The following PSMD1 variants were observed in gnomAD, a reference collection of about 807,000 sequenced individuals.
PSMD1 encodes the protein proteasome 26S subunit, non-ATPase 1, also known as 26S proteasome non-ATPase regulatory subunit 1.
Under a neutral mutation model 119.0 loss-of-function variants are expected in PSMD1, and 18 were observed. The observed-to-expected ratio is 0.15, with a 90% CI of 0.10 to 0.22. The LOEUF (loss-of-function observed/expected upper bound fraction) is 0.22. Ranked by LOEUF, PSMD1 falls within the 10% of genes least tolerant of loss-of-function variation. PSMD1 has a pLI of 1.00. For synonymous variants in PSMD1, 374 were observed against 396.6 expected (o/e 0.94, Z 0.68); for missense variants, 702 against 1,158.5 (o/e 0.61, Z 5.72).
At chr2:231,166,511 T>C (rs1696789230) in intron 23 of PSMD1, among the ~76,000 whole-genome samples, 1 of 151,896 alleles carries the variant, frequency 6.6e-6, no homozygotes, top group South Asian at 2.1e-4. Context: ...CCGTTGTCTT[T>C]TTTTTTTTTC....
At chr2:231,071,816 G>A (rs1447749518) in intron 6 of PSMD1, among the ~76,000 whole-genome samples, 1 of 152,130 alleles carries the variant, frequency 6.6e-6, no homozygotes, top group African/African-American at 2.4e-5. Flanking sequence ...TATGTTAAAT[G>A]AATGAGTAAC....
rs1437376272 is a variant in PSMD1, at chr2:231,170,186, A to T, written c.2716-380A>T. ...TTTCTGCATTTTTAACAAGCTCCAG[A>T]TGATAATGATGCTTCTGGCCCAGGA... is the stretch of plus-strand genomic sequence containing the variant. On this transcript the variant is annotated intron_variant, in intron 23 of 24. Coordinates refer to ENST00000308696, the MANE Select transcript of PSMD1 (RefSeq NM_002807.4). This position sits in a 1 kb window ranked among gnomAD's most constrained non-coding sequence, Gnocchi z 4.1. 6.6e-6 allele frequency among the ~76,000 whole-genome samples: 1 copy of T among 152,216 alleles called. No individual in the cohort carries two copies. Among genetic ancestry groups the T allele is most frequent in the Non-Finnish European group, 1.5e-5 (1 of 68,030 alleles).
intron 16 of PSMD1, chr2:231,123,285 T>G (rs975772373): frequency 2.7e-6 from 2 of 753,588 alleles, no homozygotes; most frequent in Non-Finnish European, 4.7e-6. Flanking sequence ...ACTGTTTACT[T>G]GCCGTATCTT....
chr2:231,151,735 A>G (rs1188946753), intron 18 of PSMD1, among the ~76,000 whole-genome samples: 1 of 152,064 alleles, frequency 6.6e-6, no homozygotes, highest in Non-Finnish European at 1.5e-5. Flanking sequence ...GTAAATGTTC[A>G]TCTAAAATAA....
chr2:231,060,399 C>T (rs1439201847), intron 1 of PSMD1: 5 of 152,204 alleles, frequency 3.3e-5, no homozygotes, highest in African/African-American at 1.2e-4. Flanking sequence ...TTTAATCAAA[C>T]CACAGTTTCA....
chr2:231,136,913 C>T lies in PSMD1; in HGVS notation c.1884-1823C>T, dbSNP rs935211367. Among the ~76,000 whole-genome samples the T allele has an allele frequency of 7.6e-5, 11 of 145,284 alleles. No homozygotes were observed. In the East Asian group the frequency reaches 9.8e-4, roughly 13 times the overall value. ...CATTCATATCTTAGGTAGTTTATGC[C>T]GCTTTGCCACTTTTATATATATAAT... On this transcript the variant is annotated intron_variant, in intron 16 of 24. Coordinates refer to ENST00000308696, the MANE Select transcript of PSMD1 (RefSeq NM_002807.4).
At chr2:231,085,257 A>G (rs1468250069) in intron 15 of PSMD1, 143 bp downstream of exon 15, 3 of 687,768 alleles carry the variant, frequency 4.4e-6, no homozygotes, top group Non-Finnish European at 7.9e-6. Context: ...TGGACCCAAC[A>G]GGCCATAACC....
intron 16 of PSMD1, among the ~76,000 whole-genome samples, chr2:231,104,620 A>AT (rs940676300): frequency 2.0e-5 from 3 of 151,938 alleles, no homozygotes; most frequent in South Asian, 2.1e-4. Context: ...CAGTATTCAC[A>AT]TTTTTTTTAA....
At chr2:231,084,179 T>C (rs1393346674) in intron 14 of PSMD1, among the ~76,000 whole-genome samples, 1 of 151,954 alleles carries the variant, frequency 6.6e-6, no homozygotes, top group East Asian at 1.9e-4. Flanking sequence ...TGAAACCCTG[T>C]CTCTGCTAAA....
chr2:231,079,715 T>G, intron 11 of PSMD1, 101 bp downstream of exon 11: 1 of 695,768 alleles, frequency 1.4e-6, no homozygotes, highest in African/African-American at 1.8e-5. Context: ...ACAAGTACAC[T>G]TTGTTAAGTC....
intron 6 of PSMD1, among the ~76,000 whole-genome samples, chr2:231,070,817 A>G (rs1200937231): frequency 1.3e-5 from 2 of 152,072 alleles, no homozygotes; most frequent in African/African-American, 4.8e-5. Flanking sequence ...TTACTTTTTA[A>G]CAATTGCTAT....
chr2:231,113,593 G>A (rs1008035764), intron 16 of PSMD1: 23 of 795,156 alleles, frequency 2.9e-5, no homozygotes, highest in Non-Finnish European at 5.2e-5. Flanking sequence ...GTGACATAAG[G>A]AGCTTATGTT....
At chr2:231,161,648 A>C in intron 20 of PSMD1, 139 bp downstream of exon 20, 1 of 980,274 alleles carries the variant, frequency 1.0e-6, no homozygotes, top group Admixed American at 2.5e-5. Context: ...TTCAAGTTGA[A>C]TCGTCACCTT....
chr2:231,138,911 C>T (rs759661016), intron 17 of PSMD1, 61 bp downstream of exon 17: 8 of 1,236,378 alleles, frequency 6.5e-6, no homozygotes, highest in Admixed American at 1.8e-5. Flanking sequence ...TCCCTCGCCG[C>T]AGAATTTATG....
In PSMD1 at chr2:231,124,017, G is replaced by A. The variant is rs143838790; in HGVS notation, c.1884-14719G>A. On this transcript the variant is annotated intron_variant, in intron 16 of 24. Transcript: ENST00000308696. ...TTAAATTTAGGAAAGCTCAGTGAAAGAAACTGATAGCTGTGAAAAAAATAG... is the reference window on the plus strand; with the variant it reads ...TTAAATTTAGGAAAGCTCAGTGAAAAAAACTGATAGCTGTGAAAAAAATAG... The A allele has an allele frequency of 5.9e-4, 273 of 461,144 alleles. 4 individuals carry two copies. In the East Asian group the frequency reaches 8.8e-3, roughly 15 times the overall value. 28.6% of individuals were successfully genotyped at this position (461,144 alleles called of 1,614,324 possible).
intron 16 of PSMD1, chr2:231,123,649 A>G: frequency 6.2e-7 from 1 of 1,613,864 alleles, no homozygotes; most frequent in Non-Finnish European, 8.5e-7. Flanking sequence ...TTCCTCTGGT[A>G]TTGATTCTGT....
In PSMD1 at chr2:231,066,814, CAT is replaced by C. The variant is rs1693919594; in HGVS notation, c.305-90_305-89del. On this transcript the variant is annotated intron_variant, in intron 4 of 24. Coordinates refer to ENST00000308696, the MANE Select transcript of PSMD1 (RefSeq NM_002807.4). ...TTTGCTTATTGCTTTATAGTCATCC[CAT>C]AAGTATATATGATTATAAATATAGG... The C allele has an allele frequency of 4.8e-6, 5 of 1,037,006 alleles. No individual in the cohort carries two copies. In the South Asian group the frequency reaches 8.9e-5, roughly 18 times the overall value. The allele number at this position is 1,037,006 out of a possible 1,614,324, so 64.2% of individuals were successfully genotyped here. A position where few individuals can be genotyped will look rare whatever the true frequency, so the allele number is the denominator to read the frequency against.
rs570065042 is a variant in PSMD1 at position 231,090,176 on chromosome 2, C to T, written c.1883+2995C>T. Among the ~76,000 whole-genome samples the T allele has an allele frequency of 2.0e-5, 3 of 152,330 alleles. No homozygotes were observed. In the East Asian group the frequency reaches 5.8e-4, roughly 29 times the overall value. On this transcript the variant is annotated intron_variant, in intron 16 of 24. Coordinates refer to ENST00000308696, the MANE Select transcript of PSMD1 (RefSeq NM_002807.4). ...TTTTTATGCCTGCTAACACAATAAC[C>T]ATTCTGCAGCCTGTGGATCGAGGAG...
chr2:231,089,594 G>GATATATATATATATATATAT (rs140932102), intron 16 of PSMD1, among the ~76,000 whole-genome samples: 19 of 143,110 alleles, frequency 1.3e-4, no homozygotes, highest in African/African-American at 5.1e-4. Context: ...GAATTAATAG[G>GATATATATATATATATATAT]ATATATATAT....
Sources: allele counts gnomAD v4.1 joint callset (sites outside exome capture counted in the v4.1 genomes callset), GRCh38; gene constraint gnomAD v4.1.1; non-coding constraint Gnocchi (gnomAD v3.1); transcripts MANE v1.5; gene names NCBI Gene and HGNC (gene_info 2026-07-23, HGNC 2026-07-21).